The following LY75 variants were observed in gnomAD, a reference collection of about 807,000 sequenced individuals.
LY75 encodes the protein C-type lectin domain family 13 member B.
Under a neutral mutation model 231.7 loss-of-function variants are expected in LY75, and 185 were observed. The observed-to-expected ratio is 0.80, with a 90% CI of 0.71 to 0.90. LY75 has a LOEUF of 0.90. LY75 is among the 40% of genes least tolerant of loss of function. The pLI, the probability that LY75 is intolerant of heterozygous loss-of-function variation, is 0.00. For synonymous variants in LY75, 668 were observed against 689.0 expected (o/e 0.97, Z 0.48); for missense variants, 1,947 against 2,050.2 (o/e 0.95, Z 0.97).
At chr2:159,874,722 ATTTTG>A (rs1685188030) in intron 12 of LY75, among the ~76,000 whole-genome samples, 1 of 56,968 alleles carries the variant, frequency 1.8e-5, no homozygotes, top group African/African-American at 7.7e-5. Context: ...AAATATATAT[ATTTTG>A]TAAATATATG....
chr2:159,859,328 A>G (rs1344615785), intron 15 of LY75, among the ~76,000 whole-genome samples: 1 of 152,130 alleles, frequency 6.6e-6, no homozygotes, highest in Non-Finnish European at 1.5e-5. Flanking sequence ...GTCAGTTCTT[A>G]TATCCCTCAG....
chr2:159,874,591 A>C (rs185128718), intron 12 of LY75, among the ~76,000 whole-genome samples: 1 of 118,818 alleles, frequency 8.4e-6, no homozygotes, highest in African/African-American at 3.0e-5. Flanking sequence ...TTTTGTAAAT[A>C]TATATAAATA....
rs1442155774 is a variant in LY75, at chr2:159,810,601, A to G, written c.4624T>C (p.Tyr1542His). The change falls in exon 32 of 35, where the codon TAC becomes CAC. Residue 1542 changes from tyrosine (Y) to histidine (H), a missense_variant. By Grantham distance (83) the Tyr-to-His change is moderately conservative. Transcript: ENST00000263636. Reference sequence around the variant, plus strand: ...TCAGACTTGTAACAGTGACCCTTGTACTGGATCCACCGTGACCCATTCTCT... The same window carrying G: ...TCAGACTTGTAACAGTGACCCTTGTGCTGGATCCACCGTGACCCATTCTCT... Reference protein sequence around the residue: ...AKENGSRWIQYKGHCYKSDQA... With the variant: ...AKENGSRWIQHKGHCYKSDQA... 6.2e-7 allele frequency: 1 copy of G among 1,614,192 alleles called. No individual in the cohort carries two copies. Among genetic ancestry groups the G allele is most frequent in the Non-Finnish European group, 8.5e-7 (1 of 1,180,028 alleles).
chr2:159,881,901 C>T (rs530202547), intron 7 of LY75, among the ~76,000 whole-genome samples: 75 of 152,172 alleles, frequency 4.9e-4, no homozygotes, highest in Non-Finnish European at 6.2e-4. Context: ...AATTCAGTTC[C>T]TCAGTTGCCC....
intron 23 of LY75, among the ~76,000 whole-genome samples, chr2:159,846,226 A>C (rs78572456): frequency 6.6e-5 from 10 of 151,848 alleles, no homozygotes; most frequent in Non-Finnish European, 1.0e-4. Flanking sequence ...GGAAAAAAAA[A>C]ACACACAAAA....
At chr2:159,891,147 TG>T (rs1685743551) in intron 3 of LY75, among the ~76,000 whole-genome samples, 1 of 151,304 alleles carries the variant, frequency 6.6e-6, no homozygotes, top group South Asian at 2.1e-4. Context: ...AGGCTCCAAC[TG>T]GGGGACTTTC....
chr2:159,826,134 G>C (rs571990649), intron 28 of LY75, among the ~76,000 whole-genome samples: 3 of 152,226 alleles, frequency 2.0e-5, no homozygotes, highest in East Asian at 3.9e-4. Context: ...AGAAATGAAG[G>C]GCATTCAAAT....
In LY75 at chr2:159,860,875, G is replaced by A; in HGVS notation, c.2214C>T (p.Ile738=). 6.2e-7 allele frequency: 1 copy of A among 1,613,912 alleles called. No individual in the cohort carries two copies. Among genetic ancestry groups the A allele is most frequent in the Non-Finnish European group, 8.5e-7 (1 of 1,179,862 alleles). ...WSDRTPVSTI[I]MPNEFQQDYD... is the part of the protein sequence containing the mutation. Reference sequence around the variant, plus strand: ...AATCCTGCTGAAACTCATTTGGCATGATAATAGTAGACACCTGAAAAGACA... The same window carrying A: ...AATCCTGCTGAAACTCATTTGGCATAATAATAGTAGACACCTGAAAAGACA... Residue 738 remains isoleucine, a synonymous_variant, in exon 15 of 35, where the codon ATC becomes ATT. Transcript: ENST00000263636.
intron 28 of LY75, among the ~76,000 whole-genome samples, chr2:159,825,823 T>A (rs1250634744): frequency 6.6e-6 from 1 of 152,176 alleles, no homozygotes; most frequent in East Asian, 1.9e-4. Flanking sequence ...TCAATAAACA[T>A]AATCCATCAC....
intron 12 of LY75, among the ~76,000 whole-genome samples, chr2:159,873,643 G>T (rs544247047): frequency 6.6e-6 from 1 of 151,888 alleles, no homozygotes; most frequent in South Asian, 2.1e-4. Flanking sequence ...CGAATTTTGG[G>T]ATGGCATCTA....
intron 13 of LY75, 21 bp downstream of exon 13, chr2:159,872,430 T>C: frequency 6.2e-7 from 1 of 1,609,904 alleles, no homozygotes; most frequent in Non-Finnish European, 8.5e-7. Context: ...AGCATAGAAA[T>C]TCTCATTCTT....
chr2:159,900,648 A>G (rs1686047522), intron 1 of LY75, among the ~76,000 whole-genome samples: 1 of 152,262 alleles, frequency 6.6e-6, no homozygotes, highest in Non-Finnish European at 1.5e-5. Flanking sequence ...AATAATAACT[A>G]TAAAATTAAG....
intron 12 of LY75, among the ~76,000 whole-genome samples, chr2:159,873,406 T>G (rs1358268978): frequency 6.6e-6 from 1 of 152,200 alleles, no homozygotes; most frequent in Non-Finnish European, 1.5e-5. Flanking sequence ...TGTGCTTATA[T>G]GGTTGGCTTG....
At chr2:159,843,352 T>C (rs1367821903) in intron 23 of LY75, among the ~76,000 whole-genome samples, 1 of 152,146 alleles carries the variant, frequency 6.6e-6, no homozygotes, top group East Asian at 1.9e-4. Context: ...TAAGCAACTT[T>C]ACTTCAATAC....
intron 25 of LY75, among the ~76,000 whole-genome samples, chr2:159,837,228 G>A (rs552854789): frequency 3.3e-5 from 5 of 152,284 alleles, no homozygotes; most frequent in African/African-American, 1.2e-4. Context: ...AGCAAAGACA[G>A]GGAATCAATC....
intron 26 of LY75, among the ~76,000 whole-genome samples, chr2:159,834,416 C>T (rs927601457): frequency 2.6e-5 from 4 of 152,016 alleles, no homozygotes; most frequent in Non-Finnish European, 5.9e-5. Context: ...ATTTTCTTAC[C>T]CCTGCTGTGG....
At chr2:159,843,611 T>C (rs113679653) in intron 23 of LY75, among the ~76,000 whole-genome samples, 3,134 of 152,180 alleles carry the variant, frequency 0.021, 51 homozygotes, top group African/African-American at 0.043. Flanking sequence ...AGATAAGAAA[T>C]TGAGGCTTAA....
At chr2:159,878,536 G>A (rs750698233) in intron 10 of LY75, 43 bp from the exon 11 acceptor site, 11 of 1,612,334 alleles carry the variant, frequency 6.8e-6, no homozygotes, top group Non-Finnish European at 9.3e-6. Context: ...CACAATGATT[G>A]ACTCTATTTG....
In LY75 at chr2:159,850,077, G is replaced by A; in HGVS notation, c.3053C>T (p.Ala1018Val). Residue 1018 changes from alanine to valine, a missense_variant, in exon 23 of 35, where the codon GCC (alanine) becomes GTC (valine). Transcript: ENST00000263636. ...TGTCCATTTGTTTATCTTTTCATAGGCAGTCCAGCGCAAACCAATCCATAA... is the reference window on the plus strand; with the variant it reads ...TGTCCATTTGTTTATCTTTTCATAGACAGTCCAGCGCAAACCAATCCATAA... ...ATLWIGLRWT[A>V]YEKINKWTDN... is the part of the protein sequence containing the mutation. 1.9e-6 allele frequency: 3 copies of A among 1,613,834 alleles called. No homozygotes were observed. Among genetic ancestry groups the A allele is most frequent in the Non-Finnish European group, 2.5e-6 (3 of 1,179,900 alleles).
Sources: allele counts gnomAD v4.1 joint callset (sites outside exome capture counted in the v4.1 genomes callset), GRCh38; gene constraint gnomAD v4.1.1; transcripts MANE v1.5; gene names NCBI Gene and HGNC (gene_info 2026-07-23, HGNC 2026-07-21).